Variants in RANBP2 observed in about 807,000 individuals in gnomAD.
RANBP2 encodes the protein E3 SUMO-protein ligase RanBP2.
In RANBP2, 57 loss-of-function variants were observed where a neutral mutation model predicts 303.6. The ratio of observed to expected loss-of-function variants is 0.19; its 90% CI spans 0.15 to 0.23. RANBP2 has a LOEUF of 0.23. RANBP2 is among the 10% of genes least tolerant of loss of function. The pLI is 1.00. For missense variants in RANBP2, 3,138 were observed against 3,780.8 expected (o/e 0.83, Z 4.46); for synonymous variants, 1,167 against 1,301.5 (o/e 0.90, Z 2.23).
chr2:108,786,680 GGTCGCCCC>G, downstream of RANBP2: 1 of 724,404 alleles, frequency 1.4e-6, no homozygotes, highest in Non-Finnish European at 2.4e-6. Flanking sequence ...GCAGTCTCCG[GGTCGCCCC>G]GCCCCGCCCT....
the RANBP2 span, among the ~76,000 whole-genome samples, chr2:109,049,705 C>G: frequency 1.3e-5 from 2 of 152,210 alleles, no homozygotes; most frequent in African/African-American, 4.8e-5. Context: ...TCCAGGCCCT[C>G]ACTTTGAAAA....
At chr2:109,390,340 C>T in the RANBP2 span, among the ~76,000 whole-genome samples, 1 of 152,210 alleles carries the variant, frequency 6.6e-6, no homozygotes, top group Non-Finnish European at 1.5e-5. Flanking sequence ...TCCTTCTGCT[C>T]ACAGGACACC....
the RANBP2 span, among the ~76,000 whole-genome samples, chr2:109,368,121 GC>G: frequency 8.5e-5 from 13 of 152,222 alleles, no homozygotes; most frequent in African/African-American, 3.1e-4. Context: ...CTGATTTTTG[GC>G]CTTGGCCTAT....
At chr2:109,204,325 C>T in the RANBP2 span, among the ~76,000 whole-genome samples, 1 of 152,194 alleles carries the variant, frequency 6.6e-6, no homozygotes, top group Admixed American at 6.5e-5. Context: ...CTTCTGTGAT[C>T]CTGTTATCTC....
chr2:109,289,106 G>T, the RANBP2 span, among the ~76,000 whole-genome samples: 1 of 152,128 alleles, frequency 6.6e-6, no homozygotes, highest in Non-Finnish European at 1.5e-5. Flanking sequence ...AAGCTGAACT[G>T]GATTTTCCAA....
At chr2:109,635,941 C>G in the RANBP2 span, among the ~76,000 whole-genome samples, 1 of 152,164 alleles carries the variant, frequency 6.6e-6, no homozygotes, top group South Asian at 2.1e-4. Flanking sequence ...AAATCTTCAC[C>G]CCAATGTGAC....
chr2:109,268,505 C>G, the RANBP2 span, among the ~76,000 whole-genome samples: 2 of 152,216 alleles, frequency 1.3e-5, no homozygotes, highest in Non-Finnish European at 2.9e-5. Flanking sequence ...CAAGCAACCT[C>G]TGTCCAGCAG....
chr2:109,200,577 C>T, the RANBP2 span, among the ~76,000 whole-genome samples: 1 of 152,182 alleles, frequency 6.6e-6, no homozygotes, highest in African/African-American at 2.4e-5. Context: ...CTTCTAGGCA[C>T]CGCCGACCTT....
chr2:109,230,939 G>C, the RANBP2 span, among the ~76,000 whole-genome samples: 11 of 152,214 alleles, frequency 7.2e-5, no homozygotes, highest in Non-Finnish European at 1.6e-4. Flanking sequence ...AGGAAGGCAG[G>C]ATAGGTCAAA....
chr2:109,726,144 C>T, the RANBP2 span, among the ~76,000 whole-genome samples: 1 of 150,816 alleles, frequency 6.6e-6, no homozygotes, highest in African/African-American at 2.4e-5. Context: ...TGCAGTGGCT[C>T]ATGCCTGTAA....
the RANBP2 span, among the ~76,000 whole-genome samples, chr2:109,524,444 C>CAAAAAAAAAAAAAAAAAA: frequency 8.1e-4 from 68 of 84,384 alleles, 5 homozygotes; most frequent in African/African-American, 4.0e-3. Flanking sequence ...GACCCTGTCT[C>CAAAAAAAAAAAAAAAAAA]AAAAAAAAAA....
chr2:108,867,004 T>C, the RANBP2 span, among the ~76,000 whole-genome samples: 53 of 152,322 alleles, frequency 3.5e-4, no homozygotes, highest in Non-Finnish European at 5.7e-4. Context: ...TATATTGTTA[T>C]ATTGTTTATG....
chr2:109,663,792 GTGTT>G, the RANBP2 span, among the ~76,000 whole-genome samples: 2 of 152,340 alleles, frequency 1.3e-5, no homozygotes, highest in African/African-American at 4.8e-5. Context: ...AACAGCCTCT[GTGTT>G]TGAGGCTAAC....
At chr2:109,506,400 A>G in the RANBP2 span, among the ~76,000 whole-genome samples, 1 of 152,228 alleles carries the variant, frequency 6.6e-6, no homozygotes, top group African/African-American at 2.4e-5. Context: ...CAAAGACAAC[A>G]CACAGGTGGC....
At chr2:109,356,545 C>T in the RANBP2 span, among the ~76,000 whole-genome samples, 1 of 152,220 alleles carries the variant, frequency 6.6e-6, no homozygotes. Flanking sequence ...CTTCTCTTTA[C>T]CACAGGCCCC....
the RANBP2 span, among the ~76,000 whole-genome samples, chr2:109,102,888 T>C: frequency 1.3e-5 from 2 of 152,186 alleles, no homozygotes; most frequent in Non-Finnish European, 2.9e-5. Context: ...AATTGCTTTG[T>C]TCTAAGAAAC....
chr2:108,796,085 T>C, the RANBP2 span, among the ~76,000 whole-genome samples: 30 of 152,202 alleles, frequency 2.0e-4, no homozygotes, highest in Admixed American at 1.5e-3. Flanking sequence ...AGTCTCACTC[T>C]GTGCCCAGGC....
At chr2:109,616,031 C>T in the RANBP2 span, 1 of 1,517,130 alleles carries the variant, frequency 6.6e-7, no homozygotes. Flanking sequence ...GCCACTCGCC[C>T]TTCACATTGA....
the RANBP2 span, among the ~76,000 whole-genome samples, chr2:109,218,825 G>C: frequency 6.6e-6 from 1 of 152,110 alleles, no homozygotes; most frequent in South Asian, 2.1e-4. Context: ...TACATTAGAG[G>C]TGATTAATCA....
Sources: allele counts gnomAD v4.1 joint callset (sites outside exome capture counted in the v4.1 genomes callset), GRCh38; gene constraint gnomAD v4.1.1; transcripts MANE v1.5; gene names NCBI Gene and HGNC (gene_info 2026-07-23, HGNC 2026-07-21).